Variants in KIAA1549L observed in about 807,000 individuals in gnomAD.
KIAA1549L encodes KIAA1549 like.
Under a neutral mutation model 160.7 loss-of-function variants are expected in KIAA1549L, and 88 were observed. That is an observed-to-expected ratio of 0.55 (90% CI 0.46 to 0.65). The LOEUF (loss-of-function observed/expected upper bound fraction) is 0.65, where lower values mean the gene tolerates loss of function less well. Among genes scored for constraint, KIAA1549L ranks in the 30% least tolerant of loss-of-function variants. The probability of loss-of-function intolerance (pLI) is 0.00; values close to 1 mark genes in which losing one functional copy is unlikely to be tolerated. For missense variants in KIAA1549L, 2,258 were observed against 2,437.5 expected, an observed-to-expected ratio of 0.93 and a Z score of 1.55; for synonymous variants, 950 against 976.7, an observed-to-expected ratio of 0.97 and a Z score of 0.51.
chr11:33,412,816 T>C (rs1265526830), intron 1 of KIAA1549L, among the ~76,000 whole-genome samples: 1 of 152,236 alleles, frequency 6.6e-6, no homozygotes, highest in Non-Finnish European at 1.5e-5. Context: ...CATTTACGCA[T>C]CATAATCTAT....
rs559346072 is a variant in KIAA1549L, at chr11:33,422,964, C to G, written c.238+46075C>G. Among the ~76,000 whole-genome samples the G allele has an allele frequency of 5.9e-5, 9 of 152,182 alleles. No individual in the cohort carries two copies. The East Asian group carries it at 1.7e-3, about 30-fold the overall frequency. On this transcript the variant is annotated intron_variant, in intron 1 of 20. Coordinates refer to ENST00000658780, the MANE Select transcript of KIAA1549L (RefSeq NM_012194.3). ...GTCTTAAATCCATCAATTTGGTTCC[C>G]CCTGTACCTGGCCTATATTAAGTAC...
At chr11:33,550,182 G>T (rs1281223121) in intron 4 of KIAA1549L, among the ~76,000 whole-genome samples, 2 of 151,886 alleles carry the variant, frequency 1.3e-5, no homozygotes, top group African/African-American at 4.8e-5. Flanking sequence ...AAATAGTTAA[G>T]ATGGTAGATT....
chr11:33,463,862 C>T (rs1012631726), intron 1 of KIAA1549L, among the ~76,000 whole-genome samples: 3 of 152,334 alleles, frequency 2.0e-5, no homozygotes, highest in South Asian at 4.1e-4. Context: ...TTGTTTTCCA[C>T]TTTGCCTTAG....
intron 13 of KIAA1549L, among the ~76,000 whole-genome samples, chr11:33,604,867 C>T (rs747873109): frequency 9.2e-5 from 14 of 152,084 alleles, no homozygotes; most frequent in East Asian, 5.8e-4. Flanking sequence ...ACTTACGTGA[C>T]GGGTACACTA....
intron 1 of KIAA1549L, among the ~76,000 whole-genome samples, chr11:33,518,228 C>G (rs1853399563): frequency 7.1e-6 from 1 of 140,306 alleles, no homozygotes; most frequent in Non-Finnish European, 1.5e-5. Flanking sequence ...AGTGGTAAAA[C>G]TACTGAAAAA....
In KIAA1549L at chr11:33,542,377, T is replaced by C; in HGVS notation, c.814T>C (p.Leu272=). The C allele has an allele frequency of 8.7e-7, 1 of 1,151,056 alleles. No homozygotes were observed. Among genetic ancestry groups the C allele is most frequent in the Non-Finnish European group, 1.2e-6 (1 of 808,914 alleles). 71.3% of individuals were successfully genotyped at this position (1,151,056 alleles called of 1,614,324 possible). A position where few individuals can be genotyped will look rare whatever the true frequency, so the allele number is the denominator to read the frequency against. The change falls in exon 2 of 21, where the codon TTA becomes CTA. Residue 272 remains leucine, a synonymous_variant. Transcript: ENST00000658780. ...EPAEQSPKVL[L]VPQTAPADPS... is the part of the protein sequence containing the mutation. ...AGCAGAGCAATCCCCCAAAGTGCTG[T>C]TAGTTCCCCAAACAGCTCCAGCCGA...
At position 33,670,482 on chromosome 11, in the gene KIAA1549L, A is replaced by T. The variant is rs1852636357; in HGVS notation, c.*2328A>T. 6.6e-6 allele frequency: 1 copy of T among 152,234 alleles called. No homozygotes were observed. The highest frequency in any genetic ancestry group is 1.5e-5 in the Non-Finnish European group (1 of 68,044). The allele number at this position is 152,234 out of a possible 1,614,324, so 9.4% of individuals were successfully genotyped here. On this transcript the variant is annotated 3_prime_UTR_variant, in exon 21 of 21. Transcript: ENST00000658780. ...AGACGACTAAAAAGATAGCATGCTA[A>T]ATCAGATACTGTCTTAAACTAGACA...
At chr11:33,527,592 C>A (rs565208648) in intron 1 of KIAA1549L, among the ~76,000 whole-genome samples, 1 of 152,056 alleles carries the variant, frequency 6.6e-6, no homozygotes, top group Non-Finnish European at 1.5e-5. Context: ...TAGATAGGAC[C>A]TAAGTAAACT....
At chr11:33,398,950 G>GTTTTTTTT (rs71034680) in intron 1 of KIAA1549L, among the ~76,000 whole-genome samples, 1 of 140,012 alleles carries the variant, frequency 7.1e-6, no homozygotes, top group Non-Finnish European at 1.6e-5. Flanking sequence ...TCCAGTGAGT[G>GTTTTTTTT]TTTTTTTTTT....
chr11:33,431,324 C>T (rs1484128400), intron 1 of KIAA1549L, among the ~76,000 whole-genome samples: 1 of 152,170 alleles, frequency 6.6e-6, no homozygotes, highest in Non-Finnish European at 1.5e-5. Flanking sequence ...TACTTTTATT[C>T]TCTTATCTGG....
intron 1 of KIAA1549L, among the ~76,000 whole-genome samples, chr11:33,465,046 CTTTTTTTTTTTTTTTT>C (rs1008261470): frequency 2.5e-5 from 2 of 78,964 alleles, no homozygotes; most frequent in African/African-American, 5.2e-5. Flanking sequence ...GGACCTTCTT[CTTTTTTTTTTTTTTTT>C]TTTTTTTTTT....
chr11:33,385,926 A>C (rs903935001), intron 1 of KIAA1549L, among the ~76,000 whole-genome samples: 6 of 152,206 alleles, frequency 3.9e-5, no homozygotes, highest in African/African-American at 1.4e-4. Context: ...ATATAATTTT[A>C]AAAACCTTAT....
intron 1 of KIAA1549L, among the ~76,000 whole-genome samples, chr11:33,538,469 C>CAGTT (rs1389967903): frequency 6.6e-6 from 1 of 152,178 alleles, no homozygotes; most frequent in African/African-American, 2.4e-5. Flanking sequence ...TAGCACGTAT[C>CAGTT]AGTTTCTTAA....
chr11:33,435,418 C>T (rs1185868819), intron 1 of KIAA1549L, among the ~76,000 whole-genome samples: 1 of 151,970 alleles, frequency 6.6e-6, no homozygotes. Flanking sequence ...GACATCAGTT[C>T]TTTTTTGGTA....
At chr11:33,494,391 T>C (rs1852766562) in intron 1 of KIAA1549L, among the ~76,000 whole-genome samples, 1 of 152,088 alleles carries the variant, frequency 6.6e-6, no homozygotes, top group Admixed American at 6.6e-5. Flanking sequence ...ATTTGCATGG[T>C]GTTAGGAAAA....
chr11:33,451,795 C>G (rs925826202), intron 1 of KIAA1549L, among the ~76,000 whole-genome samples: 1 of 152,210 alleles, frequency 6.6e-6, no homozygotes. Context: ...GAACCTTTCT[C>G]CCCCTTGAAC....
chr11:33,616,836 G>C (rs1326024873), intron 15 of KIAA1549L, among the ~76,000 whole-genome samples: 1 of 152,080 alleles, frequency 6.6e-6, no homozygotes, highest in East Asian at 1.9e-4. Flanking sequence ...TCTTAGAATA[G>C]AGACACTACA....
chr11:33,496,350 G>A (rs1196655689), intron 1 of KIAA1549L, among the ~76,000 whole-genome samples: 1 of 152,132 alleles, frequency 6.6e-6, no homozygotes, highest in African/African-American at 2.4e-5. Flanking sequence ...ATGAAGGTAG[G>A]GGCTTAGGAC....
At chr11:33,610,911 G>A (rs1850632408) in intron 15 of KIAA1549L, among the ~76,000 whole-genome samples, 3 of 152,340 alleles carry the variant, frequency 2.0e-5, no homozygotes, top group Admixed American at 6.5e-5. Context: ...AAGGCAGAGG[G>A]CAAAGAGAGA....
Sources: allele counts gnomAD v4.1 joint callset (sites outside exome capture counted in the v4.1 genomes callset), GRCh38; gene constraint gnomAD v4.1.1; transcripts MANE v1.5; gene names NCBI Gene and HGNC (gene_info 2026-07-23, HGNC 2026-07-21).